Variants in KIF3A observed in about 807,000 individuals in gnomAD.
The protein encoded by KIF3A is kinesin family member 3A.
In KIF3A, 27 loss-of-function variants were observed where a neutral mutation model predicts 92.6. That is an observed-to-expected ratio of 0.29 (90% CI 0.21 to 0.40). The LOEUF (loss-of-function observed/expected upper bound fraction) is 0.40, where lower values mean the gene tolerates loss of function less well. KIF3A is among the 10% of genes least tolerant of loss of function. The pLI, the probability that KIF3A is intolerant of heterozygous loss-of-function variation, is 1.00. For synonymous variants in KIF3A, 250 were observed against 275.4 expected (o/e 0.91, Z 0.92); for missense variants, 581 against 872.6 (o/e 0.67, Z 4.21).
In KIF3A at chr5:132,734,316, G is replaced by A; in HGVS notation, c.169C>T (p.Pro57Ser). 1.2e-6 allele frequency: 2 copies of A among 1,614,078 alleles called. No individual in the cohort carries two copies. Among genetic ancestry groups the A allele is most frequent in the Non-Finnish European group, 1.7e-6 (2 of 1,179,982 alleles). ...GTATCAAAAGTAAATGTCTTTGGAGGTTCATTGGAAGAATCAGTCTTATGT... is the reference window on the plus strand; with the variant it reads ...GTATCAAAAGTAAATGTCTTTGGAGATTCATTGGAAGAATCAGTCTTATGT... The part of the protein sequence containing the change: ...TVHKTDSSNE[P>S]PKTFTFDTVF... Residue 57 changes from proline (P) to serine (S), a missense_variant, in exon 2 of 19, where the codon CCT (proline) becomes TCT (serine). Pro to Ser is a moderately conservative substitution (Grantham distance 74). Around this residue, in one of 5 missense-constraint regions of KIF3A, gnomAD observed 217 missense variants for 299.7 expected, o/e 0.72. Coordinates refer to ENST00000403231, the MANE Select transcript of KIF3A (RefSeq NM_001300791.2).
At chr5:132,725,401 G>A (rs770240864) in intron 4 of KIF3A, among the ~76,000 whole-genome samples, 5 of 152,104 alleles carry the variant, frequency 3.3e-5, no homozygotes, top group Non-Finnish European at 7.4e-5. Context: ...TCATCTGTTA[G>A]TATTGGTAAT....
In KIF3A at chr5:132,702,911, G is replaced by GT; in HGVS notation, c.1620dup (p.Leu541ThrfsTer6). On this transcript the variant is annotated frameshift_variant, in exon 13 of 19. Coordinates refer to ENST00000403231, the MANE Select transcript of KIF3A (RefSeq NM_001300791.2). LOFTEE classifies it high-confidence loss of function. ...TCTTTTTCCTCAAGTTCTCTGCGAA[G>GT]TTGCTCTGCTCTTTTCCTCCTTTCT... The GT allele has an allele frequency of 6.2e-7, 1 of 1,613,506 alleles. No homozygotes were observed. The highest frequency in any genetic ancestry group is 8.5e-7 in the Non-Finnish European group (1 of 1,179,756).
At chr5:132,725,868 T>C (rs930441832) in intron 4 of KIF3A, among the ~76,000 whole-genome samples, 14 of 152,154 alleles carry the variant, frequency 9.2e-5, no homozygotes, top group Non-Finnish European at 2.1e-4. Flanking sequence ...GTATTAACCT[T>C]TTCCTTGCTG....
chr5:132,727,733 T>C (rs370530277), intron 2 of KIF3A, among the ~76,000 whole-genome samples: 9 of 152,286 alleles, frequency 5.9e-5, no homozygotes, highest in South Asian at 2.1e-4. Flanking sequence ...TATGGCTATA[T>C]TGTGGATGAA....
chr5:132,727,962 G>C (rs1754094071), intron 2 of KIF3A, among the ~76,000 whole-genome samples: 1 of 152,010 alleles, frequency 6.6e-6, no homozygotes, highest in Admixed American at 6.6e-5. Flanking sequence ...GAAAATAAAT[G>C]AATCATACCA....
rs1752765766 is a variant in KIF3A at position 132,694,367 on chromosome 5, G to A, written c.*2267C>T. 6.6e-6 allele frequency: 1 copy of A among 152,210 alleles called. No homozygotes were observed. 9.4% of individuals were successfully genotyped at this position (152,210 alleles called of 1,614,324 possible). ...ACTGCACTCCAGCCTAGGTAATAGAGCCAGACTCCGTCTCCAAACAAAAAA... is the reference window on the plus strand; with the variant it reads ...ACTGCACTCCAGCCTAGGTAATAGAACCAGACTCCGTCTCCAAACAAAAAA... On this transcript the variant is annotated 3_prime_UTR_variant, in exon 19 of 19. Transcript: ENST00000403231.
At chr5:132,719,277 C>T (rs1382109966) in intron 5 of KIF3A, among the ~76,000 whole-genome samples, 1 of 152,134 alleles carries the variant, frequency 6.6e-6, no homozygotes, top group Non-Finnish European at 1.5e-5. Flanking sequence ...CAGCCTTTCA[C>T]ATACTTATTG....
chr5:132,721,770 C>T (rs1753833325), intron 4 of KIF3A, among the ~76,000 whole-genome samples: 1 of 151,552 alleles, frequency 6.6e-6, no homozygotes, highest in Non-Finnish European at 1.5e-5. Flanking sequence ...TCAGACCTTG[C>T]TCTGAAAAGC....
rs1429733653 is a variant in KIF3A, at chr5:132,737,473, A to C, written c.-54T>G. The C allele has an allele frequency of 1.9e-6, 3 of 1,592,444 alleles. No individual in the cohort carries two copies. Among genetic ancestry groups the C allele is most frequent in the Non-Finnish European group, 2.6e-6 (3 of 1,170,440 alleles). On this transcript the variant is annotated 5_prime_UTR_variant, in exon 1 of 19. Coordinates refer to ENST00000403231, the MANE Select transcript of KIF3A (RefSeq NM_001300791.2). ...TCCCCGCCCGGGGTGCAGCCCAGCGACACCGGGTGCGCAGAAAGGATGGCC... is the reference window on the plus strand; with the variant it reads ...TCCCCGCCCGGGGTGCAGCCCAGCGCCACCGGGTGCGCAGAAAGGATGGCC...
In KIF3A at chr5:132,695,865, G is replaced by C. The variant is rs893591744; in HGVS notation, c.*769C>G. The C allele has an allele frequency of 6.6e-6, 1 of 152,252 alleles. No individual in the cohort carries two copies. Among genetic ancestry groups the C allele is most frequent in the African/African-American group, 2.4e-5 (1 of 41,430 alleles). 9.4% of individuals were successfully genotyped at this position (152,252 alleles called of 1,614,324 possible). A position where few individuals can be genotyped will look rare whatever the true frequency, so the allele number is the denominator to read the frequency against. Reference sequence around the variant, plus strand: ...ACACGCAGGCAAAGATAACTGAGCAGTATTTAGCTTCTTAATTTTCCGCAA... The same window carrying C: ...ACACGCAGGCAAAGATAACTGAGCACTATTTAGCTTCTTAATTTTCCGCAA... On this transcript the variant is annotated 3_prime_UTR_variant, in exon 19 of 19. Transcript: ENST00000403231.
At chr5:132,710,825 G>A in intron 9 of KIF3A, 134 bp downstream of exon 9, 1 of 1,204,472 alleles carries the variant, frequency 8.3e-7, no homozygotes, top group East Asian at 2.5e-5. Context: ...AGTTAACCAG[G>A]TAAATGGCAT....
In KIF3A at chr5:132,693,241, G is replaced by C. The variant is rs1474202523; in HGVS notation, c.*3393C>G. 1 of 151,998 alleles carries C rather than the reference G, an allele frequency of 6.6e-6. No homozygotes were observed. Among genetic ancestry groups the C allele is most frequent in the Non-Finnish European group, 1.5e-5 (1 of 67,988 alleles). 9.4% of individuals were successfully genotyped at this position (151,998 alleles called of 1,614,324 possible). A position where few individuals can be genotyped will look rare whatever the true frequency, so the allele number is the denominator to read the frequency against. ...CTTGTCAAATGGATTCTATTCATGG[G>C]GCAAACATGGAGATGCGACCCTTCC... is the stretch of plus-strand genomic sequence containing the variant. On this transcript the variant is annotated 3_prime_UTR_variant, in exon 19 of 19. Transcript: ENST00000403231.
At chr5:132,733,748 G>A (rs1462522644) in intron 2 of KIF3A, among the ~76,000 whole-genome samples, 1 of 152,192 alleles carries the variant, frequency 6.6e-6, no homozygotes, top group Non-Finnish European at 1.5e-5. Flanking sequence ...CTGGGCAACA[G>A]AGCAAGACCC....
rs780865667 is a variant in KIF3A, at chr5:132,702,588, A to G, written c.1728T>C (p.Val576=). Residue 576 remains valine, a synonymous_variant, in exon 14 of 19, where the codon GTT becomes GTC. Coordinates refer to ENST00000403231, the MANE Select transcript of KIF3A (RefSeq NM_001300791.2). ...AQGKTKKLKK[V]WTMLMAAKSE... ...ACTTTGCAGCCATCAGCATAGTCCA[A>G]ACTTTCTTTAACTTCTTGGTCTTTC... The G allele has an allele frequency of 6.2e-6, 10 of 1,612,796 alleles. No homozygotes were observed. In the South Asian group the frequency reaches 1.1e-4, roughly 18 times the overall value.
intron 1 of KIF3A, among the ~76,000 whole-genome samples, chr5:132,736,016 T>C (rs994048497): frequency 2.0e-4 from 31 of 152,332 alleles, no homozygotes; most frequent in Admixed American, 3.3e-4. Context: ...TTAGTTAACA[T>C]CTACTTATCC....
intron 2 of KIF3A, among the ~76,000 whole-genome samples, chr5:132,727,603 C>T (rs1754077626): frequency 6.6e-6 from 1 of 152,154 alleles, no homozygotes; most frequent in African/African-American, 2.4e-5. Context: ...GCTAGAGAAA[C>T]TGACAATGCC....
intron 18 of KIF3A, among the ~76,000 whole-genome samples, chr5:132,698,391 C>T (rs986380103): frequency 1.3e-5 from 2 of 152,094 alleles, no homozygotes; most frequent in African/African-American, 2.4e-5. Context: ...TGATGATACA[C>T]GCAGACTACC....
chr5:132,722,431 T>A (rs1405664776), intron 4 of KIF3A, among the ~76,000 whole-genome samples: 1 of 152,126 alleles, frequency 6.6e-6, no homozygotes, highest in Non-Finnish European at 1.5e-5. Flanking sequence ...TTTTAGAAAT[T>A]TGCGCAAGAG....
At chr5:132,710,017 G>GA (rs2149900972) in intron 9 of KIF3A, among the ~76,000 whole-genome samples, 1 of 152,234 alleles carries the variant, frequency 6.6e-6, no homozygotes, top group Non-Finnish European at 1.5e-5. Flanking sequence ...TGAAAACAAT[G>GA]ACCACATTAA....
Sources: gnomAD v4.1 joint callset for allele counts (sites outside exome capture counted in the v4.1 genomes callset) on GRCh38, gnomAD v4.1.1 for gene constraint, gnomAD v4.1.1 regional missense constraint, MANE v1.5 for transcripts, NCBI Gene and HGNC (gene_info 2026-07-23, HGNC 2026-07-21) for gene names.